The following RBFOX1 variants were observed in gnomAD, a reference collection of about 807,000 sequenced individuals.
RBFOX1 encodes RNA binding protein fox-1 homolog 1.
A neutral mutation model predicts 57.7 loss-of-function variants in RBFOX1; 8 were observed. The ratio of observed to expected loss-of-function variants is 0.14; its 90% confidence interval spans 0.08 to 0.25. The LOEUF is 0.25. Among genes scored for constraint, RBFOX1 ranks in the 10% least tolerant of loss-of-function variants. The pLI is 1.00. For missense variants in RBFOX1, 611 were observed against 548.5 expected (o/e 1.11, Z -1.14); for synonymous variants, 326 against 222.4 (o/e 1.47, Z -4.15).
At chr16:7,351,401 A>G (rs1244195995) in intron 4 of RBFOX1, among the ~76,000 whole-genome samples, 11 of 152,284 alleles carry the variant, frequency 7.2e-5, no homozygotes, top group Admixed American at 7.2e-4. Context: ...GATGGCAAAC[A>G]TTAGGAACGC....
At chr16:5,526,297 ATTG>A (rs71142626) in intron 2 of RBFOX1, among the ~76,000 whole-genome samples, 66,043 of 151,376 alleles carry the variant, frequency 0.44, 14,855 homozygotes, top group African/African-American at 0.51. Flanking sequence ...TATTATTATT[ATTG>A]TTATTTGAAA....
At chr16:7,034,534 G>A (rs1045678836) in intron 3 of RBFOX1, among the ~76,000 whole-genome samples, 3 of 152,100 alleles carry the variant, frequency 2.0e-5, no homozygotes, top group African/African-American at 7.2e-5. Flanking sequence ...TGGGAAGTGG[G>A]AAGAGGGGAT....
At chr16:5,258,892 G>C (rs537536927) in intron 1 of RBFOX1, among the ~76,000 whole-genome samples, 1 of 152,080 alleles carries the variant, frequency 6.6e-6, no homozygotes, top group East Asian at 1.9e-4. Flanking sequence ...CACCAGCCTG[G>C]GTGGCAAGAA....
At chr16:5,923,913 A>T (rs2058888523) in intron 4 of RBFOX1, among the ~76,000 whole-genome samples, 1 of 151,976 alleles carries the variant, frequency 6.6e-6, no homozygotes, top group Non-Finnish European at 1.5e-5. Context: ...TGGCTTTCCT[A>T]CTGACATGGT....
chr16:6,837,475 G>C (rs2093182644), intron 3 of RBFOX1, among the ~76,000 whole-genome samples: 1 of 152,176 alleles, frequency 6.6e-6, no homozygotes. Context: ...AAGGTGATGA[G>C]AACTAGACAT....
At chr16:6,194,242 C>A (rs1331875005) in intron 1 of RBFOX1, among the ~76,000 whole-genome samples, 1 of 152,150 alleles carries the variant, frequency 6.6e-6, no homozygotes, top group East Asian at 1.9e-4. Context: ...TGAAGAGCCA[C>A]AGAATCCAGC....
chr16:7,117,334 G>T (rs1168974729), intron 4 of RBFOX1, among the ~76,000 whole-genome samples: 13 of 152,152 alleles, frequency 8.5e-5, no homozygotes. Context: ...CGGTGGTAAT[G>T]TGTCAACAAC....
At chr16:6,477,852 C>G (rs1374096774) in intron 2 of RBFOX1, among the ~76,000 whole-genome samples, 1 of 152,182 alleles carries the variant, frequency 6.6e-6, no homozygotes, top group East Asian at 1.9e-4. Context: ...TAAGTTGCTG[C>G]AGCTTCTCCA....
intron 3 of RBFOX1, among the ~76,000 whole-genome samples, chr16:6,833,921 T>A (rs563414661): frequency 2.4e-4 from 37 of 152,056 alleles, no homozygotes; most frequent in Admixed American, 1.4e-3. Context: ...AATCCACAGA[T>A]GAGTGTGTCC....
intron 3 of RBFOX1, among the ~76,000 whole-genome samples, chr16:5,827,140 GC>G (rs1237976911): frequency 2.6e-5 from 4 of 152,090 alleles, no homozygotes; most frequent in Non-Finnish European, 5.9e-5. Flanking sequence ...TGTGGCTCAT[GC>G]CTGTAATCCC....
intron 2 of RBFOX1, among the ~76,000 whole-genome samples, chr16:6,556,222 G>C (rs1013400838): frequency 6.6e-6 from 1 of 152,122 alleles, no homozygotes; most frequent in Non-Finnish European, 1.5e-5. Flanking sequence ...CTTTATCAAC[G>C]TCTCTCTATC....
At chr16:7,196,959 T>C (rs886940940) in intron 4 of RBFOX1, among the ~76,000 whole-genome samples, 1 of 152,176 alleles carries the variant, frequency 6.6e-6, no homozygotes, top group African/African-American at 2.4e-5. Context: ...ATAAATCCAG[T>C]GGTCTAATCT....
At chr16:5,831,646 C>T (rs759195201) in intron 3 of RBFOX1, among the ~76,000 whole-genome samples, 4 of 151,970 alleles carry the variant, frequency 2.6e-5, no homozygotes, top group Non-Finnish European at 4.4e-5. Context: ...CCCACCACCA[C>T]GCCTGGCTAA....
At chr16:6,189,147 A>G (rs760580213) in intron 1 of RBFOX1, among the ~76,000 whole-genome samples, 11 of 152,136 alleles carry the variant, frequency 7.2e-5, no homozygotes, top group African/African-American at 2.2e-4. Flanking sequence ...TTGTCATGCA[A>G]TTGTTTTGCT....
chr16:7,031,856 A>C (rs1284762038), intron 3 of RBFOX1, among the ~76,000 whole-genome samples: 1 of 152,164 alleles, frequency 6.6e-6, no homozygotes, highest in Non-Finnish European at 1.5e-5. Flanking sequence ...TGCTGGACAC[A>C]CAGGGAGCTC....
At chr16:6,385,259 C>T (rs1292685252) in intron 2 of RBFOX1, among the ~76,000 whole-genome samples, 1 of 152,194 alleles carries the variant, frequency 6.6e-6, no homozygotes, top group Admixed American at 6.5e-5. Context: ...TAGTTAAGGA[C>T]GTAGGTCTGG....
chr16:7,196,610 A>G (rs925375936), intron 4 of RBFOX1, among the ~76,000 whole-genome samples: 2 of 152,230 alleles, frequency 1.3e-5, no homozygotes, highest in African/African-American at 4.8e-5. Context: ...TTTAGAGGAA[A>G]CCAGGGTCAA....
At chr16:6,157,802 G>A (rs2096849048) in intron 1 of RBFOX1, among the ~76,000 whole-genome samples, 1 of 152,128 alleles carries the variant, frequency 6.6e-6, no homozygotes, top group South Asian at 2.1e-4. Context: ...CTTGCCAAGT[G>A]GATTTTGCTA....
chr16:5,412,094 A>G (rs955184957), intron 1 of RBFOX1, among the ~76,000 whole-genome samples: 2 of 152,054 alleles, frequency 1.3e-5, no homozygotes, highest in African/African-American at 4.8e-5. Context: ...GGTAGCCTGG[A>G]TAATGGGGAC....
Sources: allele counts gnomAD v4.1 joint callset (sites outside exome capture counted in the v4.1 genomes callset), GRCh38; gene constraint gnomAD v4.1.1; transcripts MANE v1.5; gene names NCBI Gene and HGNC (gene_info 2026-07-23, HGNC 2026-07-21).